Variants in C4BPA observed in about 807,000 individuals in gnomAD.
The protein encoded by C4BPA is complement component 4 binding protein alpha.
In C4BPA, 31 loss-of-function variants were observed where a neutral mutation model predicts 63.7. That is an observed-to-expected ratio of 0.49 (90% CI 0.37 to 0.66). C4BPA has a LOEUF of 0.66. Ranked by LOEUF, C4BPA falls within the 30% of genes least tolerant of loss-of-function variation. C4BPA has a pLI of 0.00. For missense variants in C4BPA, 572 were observed against 723.3 expected, an observed-to-expected ratio of 0.79 and a Z score of 2.40; for synonymous variants, 259 against 254.7, an observed-to-expected ratio of 1.02 and a Z score of -0.16.
At chr1:207,136,113 C>T (rs1304194887) in intron 9 of C4BPA, among the ~76,000 whole-genome samples, 2 of 152,140 alleles carry the variant, frequency 1.3e-5, no homozygotes, top group East Asian at 3.9e-4. Context: ...TTTTTGGTTG[C>T]CTCAAGTGAT....
intron 1 of C4BPA, among the ~76,000 whole-genome samples, chr1:207,108,068 G>A (rs1160212204): frequency 3.3e-5 from 5 of 152,116 alleles, no homozygotes; most frequent in Non-Finnish European, 7.3e-5. Flanking sequence ...AAGGTGCCTG[G>A]GAGATACAAA....
chr1:207,118,126 A>G (rs1371407673), intron 4 of C4BPA, among the ~76,000 whole-genome samples: 2 of 142,556 alleles, frequency 1.4e-5, no homozygotes, highest in African/African-American at 5.2e-5. Flanking sequence ...TCATCTATCT[A>G]TCATCTATCT....
chr1:207,106,567 G>A (rs1220964951), intron 1 of C4BPA, among the ~76,000 whole-genome samples: 4 of 142,564 alleles, frequency 2.8e-5, no homozygotes, highest in East Asian at 2.2e-4. Flanking sequence ...TCAGCCTCCC[G>A]AGTAGCTGGG....
chr1:207,144,844 T>A lies in C4BPA; in HGVS notation c.*127T>A. On this transcript the variant is annotated 3_prime_UTR_variant, in exon 12 of 12. Coordinates refer to ENST00000367070, the MANE Select transcript of C4BPA (RefSeq NM_000715.4). ...CATCATAATAAATATCTAGAAATGA[T>A]AATTTGCTAAAGTTTAGTGCTTTGA... is the stretch of plus-strand genomic sequence containing the variant. 5.9e-6 allele frequency: 3 copies of A among 508,224 alleles called. No homozygotes were observed. The highest frequency in any genetic ancestry group is 9.7e-6 in the Non-Finnish European group (3 of 308,474). 31.5% of individuals were successfully genotyped at this position (508,224 alleles called of 1,614,324 possible). A position where few individuals can be genotyped will look rare whatever the true frequency, so the allele number is the denominator to read the frequency against.
intron 1 of C4BPA, among the ~76,000 whole-genome samples, chr1:207,108,785 T>C (rs1293742372): frequency 6.6e-6 from 1 of 152,062 alleles, no homozygotes; most frequent in African/African-American, 2.4e-5. Flanking sequence ...TGCAGTGGTG[T>C]GATCTCGGAT....
At position 207,109,872 on chromosome 1, in the gene C4BPA, G is replaced by T. The variant is rs566232180; in HGVS notation, c.-25-3129G>T. Among the ~76,000 whole-genome samples, 3 of 152,314 alleles carry T rather than the reference G, an allele frequency of 2.0e-5. No individual in the cohort carries two copies. The South Asian group carries it at 6.2e-4, about 32-fold the overall frequency. The stretch of plus-strand genomic sequence containing the variant: ...TTGGGCCAGTTCTCATTAAAATACA[G>T]GTGTTTGCCTTGCTTTAAAATCAGG... On this transcript the variant is annotated intron_variant, in intron 1 of 11. Transcript: ENST00000367070.
chr1:207,133,718 G>C (rs988261639), intron 8 of C4BPA, among the ~76,000 whole-genome samples: 5 of 152,136 alleles, frequency 3.3e-5, no homozygotes, highest in African/African-American at 1.2e-4. Flanking sequence ...AGCCATAATT[G>C]TGCCCTGTAC....
intron 2 of C4BPA, among the ~76,000 whole-genome samples, chr1:207,113,390 A>C (rs1292097192): frequency 1.3e-5 from 2 of 152,166 alleles, no homozygotes; most frequent in Non-Finnish European, 2.9e-5. Flanking sequence ...CCAGGAAAGA[A>C]TTTCTCTCCC....
Position 207,144,861 on chromosome 1 carries a change from G to T in C4BPA, c.*144G>T. 1 of 479,278 alleles carries T rather than the reference G, an allele frequency of 2.1e-6. No homozygotes were observed. The highest frequency in any genetic ancestry group is 2.0e-5 in the African/African-American group (1 of 49,932). The allele number at this position is 479,278 out of a possible 1,614,324, so 29.7% of individuals were successfully genotyped here. A position where few individuals can be genotyped will look rare whatever the true frequency, so the allele number is the denominator to read the frequency against. On this transcript the variant is annotated 3_prime_UTR_variant, in exon 12 of 12. Transcript: ENST00000367070. ...AGAAATGATAATTTGCTAAAGTTTA[G>T]TGCTTTGAGATTGTGAAATTATTAA...
Position 207,143,933 on chromosome 1 carries a change from C to T in C4BPA, c.1560C>T (p.Pro520=), listed in dbSNP as rs1357250921. Residue 520 remains proline, a synonymous_variant, in exon 11 of 12, where the codon CCC becomes CCT. Transcript: ENST00000367070. ...ATTCTGGCTATGGTGTGGTTGGTCC[C>T]CAAAGTATCACTTGCTCTGGGAACA... ...QCDSGYGVVG[P]QSITCSGNRT... is the part of the protein sequence containing the mutation. 1 of 1,610,730 alleles carries T rather than the reference C, an allele frequency of 6.2e-7. No homozygotes were observed. The highest frequency in any genetic ancestry group is 8.5e-7 in the Non-Finnish European group (1 of 1,178,610).
At chr1:207,117,827 G>C (rs1644370847) in intron 4 of C4BPA, among the ~76,000 whole-genome samples, 1 of 152,114 alleles carries the variant, frequency 6.6e-6, no homozygotes, top group Admixed American at 6.6e-5. Context: ...GAAGAAAAGG[G>C]GAGGTCAGAG....
intron 1 of C4BPA, among the ~76,000 whole-genome samples, chr1:207,109,891 A>G (rs1684630402): frequency 6.6e-6 from 1 of 152,200 alleles, no homozygotes; most frequent in African/African-American, 2.4e-5. Flanking sequence ...CTTGCTTTAA[A>G]ATCAGGTAAA....
chr1:207,106,266 G>A (rs1434173071), intron 1 of C4BPA, among the ~76,000 whole-genome samples: 1 of 152,054 alleles, frequency 6.6e-6, no homozygotes, highest in Non-Finnish European at 1.5e-5. Context: ...TGGTTTGTTA[G>A]GGAAGTCTAG....
intron 9 of C4BPA, among the ~76,000 whole-genome samples, chr1:207,137,077 TG>T (rs962661271): frequency 6.6e-6 from 1 of 152,276 alleles, no homozygotes; most frequent in Non-Finnish European, 1.5e-5. Context: ...TATCTTGCTT[TG>T]GCCACTTCTT....
intron 7 of C4BPA, among the ~76,000 whole-genome samples, chr1:207,129,324 TA>T (rs2102346801): frequency 1.4e-5 from 2 of 145,242 alleles, no homozygotes; most frequent in East Asian, 4.0e-4. Flanking sequence ...AACATATGTA[TA>T]ATGAGAGTCC....
At chr1:207,127,639 A>C in intron 7 of C4BPA, among the ~76,000 whole-genome samples, 1 of 152,200 alleles carries the variant, frequency 6.6e-6, no homozygotes, top group East Asian at 1.9e-4. Flanking sequence ...AGTTTGGGGA[A>C]ACCTCTCTCC....
intron 1 of C4BPA, among the ~76,000 whole-genome samples, chr1:207,106,532 C>T (rs1357068833): frequency 7.8e-6 from 1 of 128,010 alleles, no homozygotes; most frequent in Non-Finnish European, 1.6e-5. Flanking sequence ...CTCCGTCTCC[C>T]GGGTTCACAG....
intron 9 of C4BPA, 148 bp downstream of exon 9, chr1:207,134,740 T>C: frequency 3.7e-6 from 2 of 547,132 alleles, no homozygotes; most frequent in South Asian, 2.9e-5. Context: ...TCTTCCTCAT[T>C]GTGTGTTCCC....
intron 9 of C4BPA, among the ~76,000 whole-genome samples, chr1:207,139,512 G>A (rs1438923398): frequency 6.6e-6 from 1 of 152,028 alleles, no homozygotes; most frequent in Non-Finnish European, 1.5e-5. Flanking sequence ...CTTTCACTTG[G>A]TCTTCCTGCA....
Sources: gnomAD v4.1 joint callset for allele counts (sites outside exome capture counted in the v4.1 genomes callset) on GRCh38, gnomAD v4.1.1 for gene constraint, MANE v1.5 for transcripts, NCBI Gene and HGNC (gene_info 2026-07-23, HGNC 2026-07-21) for gene names.